Variants in CBFA2T2 observed in about 807,000 individuals in gnomAD.
CBFA2T2 encodes protein CBFA2T2.
In CBFA2T2, 11 loss-of-function variants were observed where a neutral mutation model predicts 62.2. The ratio of observed to expected loss-of-function variants is 0.18; its 90% CI spans 0.11 to 0.29. The LOEUF (loss-of-function observed/expected upper bound fraction) is 0.29, where lower values mean the gene tolerates loss of function less well. CBFA2T2 is among the 10% of genes least tolerant of loss of function. CBFA2T2 has a pLI of 1.00. For synonymous variants in CBFA2T2, 295 were observed against 287.5 expected (o/e 1.03, Z -0.27); for missense variants, 592 against 774.1 (o/e 0.76, Z 2.79).
intron 1 of CBFA2T2, among the ~76,000 whole-genome samples, chr20:33,569,028 G>A (rs1044531048): frequency 1.3e-5 from 2 of 152,128 alleles, no homozygotes; most frequent in Non-Finnish European, 2.9e-5. Context: ...TCTTTTAAAT[G>A]TCTGGAAATG....
chr20:33,490,223 G>A lies in CBFA2T2; in HGVS notation c.-45G>A. ...GGCGGGCGGCGCCTGCGAGGGACCC[G>A]TGTCGCGGGTAGAGGCGGGCGGCGC... On this transcript the variant is annotated 5_prime_UTR_variant, in exon 1 of 11. In the 5' UTR this introduces an upstream ATG that the reference lacks. Transcript: ENST00000342704. 1 of 1,222,788 alleles carries A rather than the reference G, an allele frequency of 8.2e-7. No homozygotes were observed. The highest frequency in any genetic ancestry group is 1.0e-6 in the Non-Finnish European group (1 of 981,954). 75.7% of individuals were successfully genotyped at this position (1,222,788 alleles called of 1,614,324 possible).
At chr20:33,538,389 TGAGATG>T (rs1336726971) in intron 1 of CBFA2T2, among the ~76,000 whole-genome samples, 1 of 152,076 alleles carries the variant, frequency 6.6e-6, no homozygotes, top group Non-Finnish European at 1.5e-5. Context: ...CTTTTTTTTT[TGAGATG>T]GAGTCCTGCT....
intron 2 of CBFA2T2, among the ~76,000 whole-genome samples, chr20:33,608,610 A>G (rs1431964083): frequency 1.3e-5 from 2 of 152,186 alleles, no homozygotes; most frequent in East Asian, 3.8e-4. Context: ...AGCCCTAGAC[A>G]TATATACTAT....
intron 1 of CBFA2T2, among the ~76,000 whole-genome samples, chr20:33,509,801 C>G (rs1223793881): frequency 6.6e-6 from 1 of 151,718 alleles, no homozygotes; most frequent in Non-Finnish European, 1.5e-5. Flanking sequence ...TGCAGTCCAG[C>G]CTGGGAGATA....
intron 1 of CBFA2T2, among the ~76,000 whole-genome samples, chr20:33,594,798 C>G (rs775666715): frequency 2.6e-5 from 4 of 152,152 alleles, no homozygotes; most frequent in Non-Finnish European, 4.4e-5. Flanking sequence ...TGTGACACAC[C>G]TTTAAGTGGT....
intron 1 of CBFA2T2, among the ~76,000 whole-genome samples, chr20:33,584,897 T>C (rs1055252559): frequency 6.6e-6 from 1 of 152,168 alleles, no homozygotes; most frequent in African/African-American, 2.4e-5. Context: ...ACAGGGTAAC[T>C]TAGATGCCTT....
chr20:33,531,049 C>T (rs1430996061), intron 1 of CBFA2T2, among the ~76,000 whole-genome samples: 1 of 152,142 alleles, frequency 6.6e-6, no homozygotes, highest in African/African-American at 2.4e-5. Flanking sequence ...CGCCATTGCA[C>T]TCCAACCTGG....
chr20:33,571,523 T>TA (rs2013565800), intron 1 of CBFA2T2, among the ~76,000 whole-genome samples: 1 of 152,252 alleles, frequency 6.6e-6, no homozygotes, highest in South Asian at 2.1e-4. Context: ...CAGTAACTTT[T>TA]TCAATATATT....
intron 1 of CBFA2T2, among the ~76,000 whole-genome samples, chr20:33,501,208 T>G (rs2011273588): frequency 6.6e-6 from 1 of 152,232 alleles, no homozygotes; most frequent in South Asian, 2.1e-4. Context: ...ATATGTAATG[T>G]GACCTCTGTA....
chr20:33,630,117 T>A (rs575233954), intron 8 of CBFA2T2, among the ~76,000 whole-genome samples: 1 of 151,684 alleles, frequency 6.6e-6, no homozygotes, highest in Non-Finnish European at 1.5e-5. Context: ...AGGAAGGGGG[T>A]TTTTTTGTTT....
chr20:33,606,940 C>T lies in CBFA2T2; in HGVS notation c.35-16C>T, dbSNP rs1045034966. ...TTTTAGAAAACCCTAACCTCCATTT[C>T]TCTGATTCTCTGCAGTTGGTCCTGA... On this transcript the variant is annotated splice_polypyrimidine_tract_variant and intron_variant, in intron 1 of 10. Transcript: ENST00000342704. 5 of 1,610,326 alleles carry T rather than the reference C, an allele frequency of 3.1e-6. No homozygotes were observed. The African/African-American group carries it at 5.3e-5, about 17-fold the overall frequency.
chr20:33,576,901 G>A (rs572430478), intron 1 of CBFA2T2, among the ~76,000 whole-genome samples: 1 of 152,342 alleles, frequency 6.6e-6, no homozygotes, highest in African/African-American at 2.4e-5. Flanking sequence ...GGGTGGAGTG[G>A]TCTATGAGAT....
chr20:33,616,158 G>T (rs1244073425), intron 3 of CBFA2T2, among the ~76,000 whole-genome samples: 3 of 151,892 alleles, frequency 2.0e-5, no homozygotes, highest in African/African-American at 4.8e-5. Flanking sequence ...TCTGTAGATA[G>T]ATATAGATAT....
At chr20:33,582,649 C>T (rs1415091963) in intron 1 of CBFA2T2, among the ~76,000 whole-genome samples, 4 of 151,938 alleles carry the variant, frequency 2.6e-5, no homozygotes, top group African/African-American at 7.2e-5. Flanking sequence ...GGCAAAACCC[C>T]ATCTCTACTA....
At chr20:33,518,350 G>A (rs2011640820) in intron 1 of CBFA2T2, among the ~76,000 whole-genome samples, 1 of 152,068 alleles carries the variant, frequency 6.6e-6, no homozygotes, top group South Asian at 2.1e-4. Context: ...GCCATTGTGG[G>A]ATAAAATTAA....
chr20:33,539,236 T>C (rs1429129709), intron 1 of CBFA2T2, among the ~76,000 whole-genome samples: 1 of 152,222 alleles, frequency 6.6e-6, no homozygotes, highest in East Asian at 1.9e-4. Context: ...AACTTTACAA[T>C]ATGTCATGTG....
Position 33,634,690 on chromosome 20 carries a change from AAAAAAAG to A in CBFA2T2, c.1229-1947_1229-1941del, listed in dbSNP as rs1157651618. On this transcript the variant is annotated intron_variant, in intron 8 of 10. Transcript: ENST00000342704. The stretch of plus-strand genomic sequence containing the variant: ...ATGTCCAAAAAAAAAAAAAAAAAAA[AAAAAAAG>A]AATCTGAATATATGTGTTTAATGAG... Among the ~76,000 whole-genome samples, 658 of 148,006 alleles carry A rather than the reference AAAAAAAG, an allele frequency of 4.4e-3. 5 individuals carry two copies. The highest frequency in any genetic ancestry group is 0.017 in the African/African-American group (632 of 38,028).
intron 8 of CBFA2T2, among the ~76,000 whole-genome samples, chr20:33,634,278 CA>C (rs1276630376): frequency 6.6e-6 from 1 of 152,082 alleles, no homozygotes; most frequent in African/African-American, 2.4e-5. Flanking sequence ...AATTTTTAAA[CA>C]AAGAAAAAGA....
chr20:33,564,326 G>T (rs945481730), intron 1 of CBFA2T2, among the ~76,000 whole-genome samples: 4 of 149,890 alleles, frequency 2.7e-5, no homozygotes, highest in African/African-American at 9.9e-5. Flanking sequence ...GCAGTGGCGC[G>T]GTCTCGGCTC....
Sources: gnomAD v4.1 joint callset for allele counts (sites outside exome capture counted in the v4.1 genomes callset) on GRCh38, gnomAD v4.1.1 for gene constraint, MANE v1.5 for transcripts, NCBI Gene and HGNC (gene_info 2026-07-23, HGNC 2026-07-21) for gene names.